Variants in DDIAS observed in about 807,000 individuals in gnomAD.
DDIAS encodes the protein DNA damage induced apoptosis suppressor.
In DDIAS, 14 loss-of-function variants were observed where a neutral mutation model predicts 15.7. That is an observed-to-expected ratio of 0.89 (90% CI 0.59 to 1.39). DDIAS has a LOEUF of 1.39. Among genes scored for constraint, DDIAS ranks in the 40% most tolerant of loss-of-function variants. The pLI is 0.00. For missense variants in DDIAS, 1,035 were observed against 1,130.9 expected, an observed-to-expected ratio of 0.92 and a Z score of 1.22; for synonymous variants, 355 against 395.9, an observed-to-expected ratio of 0.90 and a Z score of 1.23.
rs1015802423 is a variant in DDIAS at position 82,934,412 on chromosome 11, T to G, written c.*77T>G. 1.4e-6 allele frequency: 2 copies of G among 1,411,396 alleles called. No homozygotes were observed. Among genetic ancestry groups the G allele is most frequent in the Non-Finnish European group, 9.5e-7 (1 of 1,048,110 alleles). 87.4% of individuals were successfully genotyped at this position (1,411,396 alleles called of 1,614,324 possible). A position where few individuals can be genotyped will look rare whatever the true frequency, so the allele number is the denominator to read the frequency against. ...GCCTTCAGGGGTACGGAAAGCATTC[T>G]TTACATTTTGAACACTTGGAGAGAA... On this transcript the variant is annotated 3_prime_UTR_variant, in exon 6 of 6. Coordinates refer to ENST00000533655, the MANE Select transcript of DDIAS (RefSeq NM_145018.4).
In DDIAS at chr11:82,933,630, TA is replaced by T; in HGVS notation, c.2293del (p.Ser765ValfsTer24). ...QSDSEYNFENSQDFVPCSQST... is the reference protein window; with the variant it reads ...QSDSEYNFENXQDFVPCSQST... ...CAGATTCAGAATATAATTTTGAAAA[TA>T]GTCAAGACTTTGTTCCATGTTCACA... On this transcript the variant is annotated frameshift_variant, in exon 6 of 6. Transcript: ENST00000533655. LOFTEE classifies it low-confidence loss of function (END_TRUNC). The T allele has an allele frequency of 6.2e-7, 1 of 1,613,666 alleles. No individual in the cohort carries two copies. Among genetic ancestry groups the T allele is most frequent in the East Asian group, 2.2e-5 (1 of 44,882 alleles).
intron 1 of DDIAS, among the ~76,000 whole-genome samples, chr11:82,911,570 T>G (rs1467635558): frequency 6.6e-6 from 1 of 152,244 alleles, no homozygotes; most frequent in Non-Finnish European, 1.5e-5. Context: ...TTCCACCACA[T>G]CTGCAGTCAC....
chr11:82,919,725 A>G (rs1590805250), intron 3 of DDIAS, among the ~76,000 whole-genome samples: 1 of 152,204 alleles, frequency 6.6e-6, no homozygotes, highest in South Asian at 2.1e-4. Context: ...ATCTGGTCCC[A>G]GACTTTTTTT....
At chr11:82,925,754 C>T (rs530743826) in intron 3 of DDIAS, among the ~76,000 whole-genome samples, 23 of 152,104 alleles carry the variant, frequency 1.5e-4, no homozygotes, top group African/African-American at 5.1e-4. Context: ...TTTGGGAGGC[C>T]GAGGTGGGCG....
chr11:82,933,302 G>A lies in DDIAS; in HGVS notation c.1964G>A (p.Gly655Glu), dbSNP rs760318228. 6.2e-7 allele frequency: 1 copy of A among 1,613,960 alleles called. No individual in the cohort carries two copies. The highest frequency in any genetic ancestry group is 2.2e-5 in the East Asian group (1 of 44,852). ...STNTLKEMPWGHINNNVTQSY... is the reference protein window; with the variant it reads ...STNTLKEMPWEHINNNVTQSY... ...AATACATTGAAAGAAATGCCTTGGGGACATATCAATAACAACGTAACACAG... is the reference window on the plus strand; with the variant it reads ...AATACATTGAAAGAAATGCCTTGGGAACATATCAATAACAACGTAACACAG... The change falls in exon 6 of 6, where the codon GGA (glycine) becomes GAA (glutamate). Residue 655 changes from glycine to glutamate, a missense_variant. Physicochemically the swap from Gly to Glu is moderately conservative, Grantham distance 98. Transcript: ENST00000533655.
At chr11:82,927,151 C>A (rs1344405948) in intron 3 of DDIAS, among the ~76,000 whole-genome samples, 1 of 152,160 alleles carries the variant, frequency 6.6e-6, no homozygotes, top group Non-Finnish European at 1.5e-5. Context: ...AAACTGAATG[C>A]TAATGCATAT....
intron 3 of DDIAS, among the ~76,000 whole-genome samples, chr11:82,926,111 A>G (rs1343492324): frequency 1.0e-5 from 1 of 95,274 alleles, no homozygotes. Context: ...TTTTTGAGAC[A>G]GGGTCTGGCT....
intron 5 of DDIAS, 85 bp from the exon 6 acceptor site, chr11:82,931,647 C>G (rs1860988148): frequency 7.9e-7 from 1 of 1,259,358 alleles, no homozygotes. Flanking sequence ...GCATGAGCCA[C>G]TGTGCCTGGC....
chr11:82,917,809 C>T (rs565705776), intron 3 of DDIAS, among the ~76,000 whole-genome samples: 1 of 152,166 alleles, frequency 6.6e-6, no homozygotes. Flanking sequence ...CCAACATCTA[C>T]TGGTTTTTGA....
chr11:82,922,064 C>T (rs1860766091), intron 3 of DDIAS, among the ~76,000 whole-genome samples: 1 of 152,174 alleles, frequency 6.6e-6, no homozygotes, highest in African/African-American at 2.4e-5. Flanking sequence ...TGTAGGGTTT[C>T]TGCAAAGAAA....
intron 3 of DDIAS, among the ~76,000 whole-genome samples, chr11:82,919,955 C>T (rs1410592429): frequency 6.6e-6 from 1 of 152,188 alleles, no homozygotes; most frequent in Admixed American, 6.5e-5. Flanking sequence ...GATCTCCTAA[C>T]CTCATGATCC....
intron 3 of DDIAS, among the ~76,000 whole-genome samples, chr11:82,920,443 C>G (rs761780361): frequency 1.3e-5 from 2 of 152,100 alleles, no homozygotes; most frequent in Non-Finnish European, 2.9e-5. Context: ...TCTTGTTTCT[C>G]TAGTTCCTTG....
Position 82,933,299 on chromosome 11 carries a change from G to A in DDIAS, c.1961G>A (p.Trp654Ter). 1 of 1,613,908 alleles carries A rather than the reference G, an allele frequency of 6.2e-7. No individual in the cohort carries two copies. The highest frequency in any genetic ancestry group is 1.1e-5 in the South Asian group (1 of 91,050). Reference protein sequence around the residue: ...RSTNTLKEMPWGHINNNVTQS... With the variant: ...RSTNTLKEMP Reference sequence around the variant, plus strand: ...ACAAATACATTGAAAGAAATGCCTTGGGGACATATCAATAACAACGTAACA... The same window carrying A: ...ACAAATACATTGAAAGAAATGCCTTAGGGACATATCAATAACAACGTAACA... The change falls in exon 6 of 6, where the codon TGG (tryptophan) becomes TAG (stop). Residue 654 changes from tryptophan (W) to a stop codon, truncating the protein, a stop_gained. Transcript: ENST00000533655. LOFTEE classifies it low-confidence loss of function (END_TRUNC).
At chr11:82,922,642 G>C (rs892885946) in intron 3 of DDIAS, 1 of 152,122 alleles carries the variant, frequency 6.6e-6, no homozygotes, top group Non-Finnish European at 1.5e-5. Context: ...CCTTGCGTCA[G>C]GCTTCGCTTT....
At chr11:82,923,615 G>A (rs1461053638) in intron 3 of DDIAS, among the ~76,000 whole-genome samples, 2 of 152,094 alleles carry the variant, frequency 1.3e-5, no homozygotes, top group Non-Finnish European at 2.9e-5. Flanking sequence ...CAGAGCCTTG[G>A]GGCTCCATGG....
At chr11:82,918,849 T>C (rs1171655954) in intron 3 of DDIAS, among the ~76,000 whole-genome samples, 1 of 152,196 alleles carries the variant, frequency 6.6e-6, no homozygotes, top group Non-Finnish European at 1.5e-5. Flanking sequence ...GTGTGTGTTT[T>C]TGTAGCTGTT....
rs145341450 is a variant in DDIAS at position 82,933,036 on chromosome 11, G to C, written c.1698G>C (p.Glu566Asp). ...KKTIRISPHRESDHSSLNNKY... is the reference protein window; with the variant it reads ...KKTIRISPHRDSDHSSLNNKY... The stretch of plus-strand genomic sequence containing the variant: ...CTATCAGAATCTCACCACACAGGGA[G>C]AGTGACCATTCTAGTCTAAATAACA... Residue 566 changes from glutamate (E) to aspartate (D), a missense_variant, in exon 6 of 6, where the codon GAG (glutamate) becomes GAC (aspartate). Physicochemically the swap from Glu to Asp is conservative, Grantham distance 45. Coordinates refer to ENST00000533655, the MANE Select transcript of DDIAS (RefSeq NM_145018.4). 1.9e-5 allele frequency: 31 copies of C among 1,606,984 alleles called. No individual in the cohort carries two copies. Among genetic ancestry groups the C allele is most frequent in the Admixed American group, 8.3e-5 (5 of 59,932 alleles).
At chr11:82,929,701 C>G (rs1024237352) in intron 4 of DDIAS, among the ~76,000 whole-genome samples, 3 of 124,046 alleles carry the variant, frequency 2.4e-5, no homozygotes, top group African/African-American at 5.7e-5. Flanking sequence ...GAGACTCTGT[C>G]TCAAAAAAAA....
Position 82,933,898 on chromosome 11 carries a change from G to A in DDIAS, c.2560G>A (p.Ala854Thr). Residue 854 changes from alanine to threonine, a missense_variant, in exon 6 of 6, where the codon GCT becomes ACT. By Grantham distance (58) the Ala-to-Thr change is moderately conservative (BLOSUM62 0). Transcript: ENST00000533655. ...AGACGTTTTCAATCACTACCCTTTTGCTGAGTGCCATGAAACTGATAGTGA... is the reference window on the plus strand; with the variant it reads ...AGACGTTTTCAATCACTACCCTTTTACTGAGTGCCATGAAACTGATAGTGA... ...QPDVFNHYPF[A>T]ECHETDSDEW... The A allele has an allele frequency of 1.9e-6, 3 of 1,613,888 alleles. No individual in the cohort carries two copies. The highest frequency in any genetic ancestry group is 2.5e-6 in the Non-Finnish European group (3 of 1,179,974).
Sources: gnomAD v4.1 joint callset for allele counts (sites outside exome capture counted in the v4.1 genomes callset) on GRCh38, gnomAD v4.1.1 for gene constraint, MANE v1.5 for transcripts, NCBI Gene and HGNC (gene_info 2026-07-23, HGNC 2026-07-21) for gene names.